Variants in ANKRD33B observed in about 807,000 individuals in gnomAD.
The protein encoded by ANKRD33B is ankyrin repeat domain 33B, also known as ankyrin repeat domain-containing protein 33B.
ANKRD33B carries 6 observed loss-of-function variants against 21.5 expected under a neutral mutation model. The ratio of observed to expected loss-of-function variants is 0.28; its 90% CI spans 0.15 to 0.55. The LOEUF (loss-of-function observed/expected upper bound fraction) is 0.55. Ranked by LOEUF, ANKRD33B falls within the 20% of genes least tolerant of loss-of-function variation. The pLI is 0.94. For missense variants in ANKRD33B, 698 were observed against 747.2 expected, an observed-to-expected ratio of 0.93 and a Z score of 0.77; for synonymous variants, 347 against 342.4, an observed-to-expected ratio of 1.01 and a Z score of -0.15.
At chr5:10,581,429 C>T (rs991614942) in intron 1 of ANKRD33B, among the ~76,000 whole-genome samples, 3 of 152,222 alleles carry the variant, frequency 2.0e-5, no homozygotes, top group Non-Finnish European at 2.9e-5. Flanking sequence ...AACTGCTCTG[C>T]GTCTGGGATC....
At chr5:10,591,158 A>G (rs1735676817) in intron 1 of ANKRD33B, among the ~76,000 whole-genome samples, 1 of 150,466 alleles carries the variant, frequency 6.6e-6, no homozygotes, top group Admixed American at 6.6e-5. Flanking sequence ...TTTCTAAGCC[A>G]GGTTTATAGA....
At chr5:10,609,917 A>G (rs1736128265) in intron 1 of ANKRD33B, among the ~76,000 whole-genome samples, 1 of 152,166 alleles carries the variant, frequency 6.6e-6, no homozygotes, top group South Asian at 2.1e-4. Flanking sequence ...TAAAAAAAAC[A>G]AAACACACAA....
At chr5:10,591,880 T>C (rs1403126165) in intron 1 of ANKRD33B, among the ~76,000 whole-genome samples, 6 of 152,208 alleles carry the variant, frequency 3.9e-5, no homozygotes, top group Non-Finnish European at 5.9e-5. Flanking sequence ...ATTTTACTTA[T>C]AATTTTGATA....
At chr5:10,601,729 C>G (rs1184769135) in intron 1 of ANKRD33B, among the ~76,000 whole-genome samples, 1 of 152,266 alleles carries the variant, frequency 6.6e-6, no homozygotes, top group East Asian at 1.9e-4. Context: ...GGGGCATGCT[C>G]TCCGTGGATG....
intron 1 of ANKRD33B, among the ~76,000 whole-genome samples, chr5:10,589,886 C>T (rs1234083876): frequency 6.6e-6 from 1 of 151,730 alleles, no homozygotes; most frequent in Non-Finnish European, 1.5e-5. Context: ...ACCAAATTCA[C>T]ACACATTAGA....
chr5:10,655,757 C>T lies in ANKRD33B; in HGVS notation c.*5644C>T, dbSNP rs933647957. The T allele has an allele frequency of 2.0e-5, 3 of 152,306 alleles. No individual in the cohort carries two copies. Among genetic ancestry groups the T allele is most frequent in the Admixed American group, 6.5e-5 (1 of 15,276 alleles). 9.4% of individuals were successfully genotyped at this position (152,306 alleles called of 1,614,324 possible). On this transcript the variant is annotated 3_prime_UTR_variant, in exon 4 of 4. Coordinates refer to ENST00000296657, the MANE Select transcript of ANKRD33B (RefSeq NM_001164440.2). ...GGGATTTGCCCAGGTCCCTCCACCT[C>T]CCACGGTGGGTAACTGTGTGGATTC... is the stretch of plus-strand genomic sequence containing the variant.
intron 3 of ANKRD33B, among the ~76,000 whole-genome samples, chr5:10,643,945 C>T (rs1197490612): frequency 4.0e-5 from 6 of 150,078 alleles, no homozygotes; most frequent in Non-Finnish European, 2.9e-5. Context: ...TACTACTAAG[C>T]TTACAGTTCT....
chr5:10,618,218 T>C (rs905582151), intron 1 of ANKRD33B, 115 bp from the exon 2 acceptor site: 2 of 1,378,814 alleles, frequency 1.5e-6, no homozygotes, highest in Non-Finnish European at 2.0e-6. Flanking sequence ...TCCAGGTCCC[T>C]GTCATTGCCT....
Position 10,646,455 on chromosome 5 carries a change from A to G in ANKRD33B, c.638-2811A>G, listed in dbSNP as rs1455325781. ...TAATTTATAGCATGACTCTGATTCT[A>G]GGGCTCAGTGGCCTTTGTTCCTTAG... On this transcript the variant is annotated intron_variant, in intron 3 of 3. Transcript: ENST00000296657. Among the ~76,000 whole-genome samples, 4 of 152,194 alleles carry G rather than the reference A, an allele frequency of 2.6e-5. No individual in the cohort carries two copies. In the East Asian group the frequency reaches 7.7e-4, roughly 29 times the overall value.
intron 3 of ANKRD33B, among the ~76,000 whole-genome samples, chr5:10,638,976 GCGGGTGAC>G (rs1292136391): frequency 1.4e-4 from 13 of 91,878 alleles, no homozygotes; most frequent in East Asian, 3.0e-4. Flanking sequence ...GGCGATGTTA[GCGGGTGAC>G]GCGGAGTTGC....
At chr5:10,590,087 G>C (rs971118165) in intron 1 of ANKRD33B, among the ~76,000 whole-genome samples, 1 of 150,486 alleles carries the variant, frequency 6.6e-6, no homozygotes, top group Non-Finnish European at 1.5e-5. Flanking sequence ...TAAAATTTTT[G>C]ATTCTTTATT....
intron 1 of ANKRD33B, among the ~76,000 whole-genome samples, chr5:10,597,641 T>C (rs1471055263): frequency 6.6e-6 from 1 of 151,908 alleles, no homozygotes; most frequent in Non-Finnish European, 1.5e-5. Context: ...AGACAGAAAA[T>C]TAACAAATAT....
chr5:10,610,403 C>A lies in ANKRD33B; in HGVS notation c.367-7930C>A, dbSNP rs1008660428. On this transcript the variant is annotated intron_variant, in intron 1 of 3. Transcript: ENST00000296657. The stretch of plus-strand genomic sequence containing the variant: ...GGGATTGCATAGTACAGGGGACAGC[C>A]CCCCCCCCGAATAAAGAATTATCTG... Among the ~76,000 whole-genome samples the A allele has an allele frequency of 4.9e-5, 7 of 143,140 alleles. No homozygotes were observed. The South Asian group carries it at 1.3e-3, about 27-fold the overall frequency. The allele number at this position is 143,140 out of a possible 152,430, so 93.9% of individuals were successfully genotyped here.
At chr5:10,616,584 C>A (rs1031335100) in intron 1 of ANKRD33B, among the ~76,000 whole-genome samples, 3 of 55,514 alleles carry the variant, frequency 5.4e-5, no homozygotes, top group South Asian at 5.9e-4. Context: ...AAAAAAAAAT[C>A]TGGTGAAGAT....
intron 1 of ANKRD33B, among the ~76,000 whole-genome samples, chr5:10,598,803 A>C (rs1447339849): frequency 1.3e-5 from 2 of 152,156 alleles, no homozygotes; most frequent in African/African-American, 2.4e-5. Context: ...CCGTAATCCC[A>C]ACACTTTGGG....
chr5:10,651,372 G>A lies in ANKRD33B; in HGVS notation c.*1259G>A, dbSNP rs1299375566. ...GCCTTGGGCCACAAGCTCTTGGTGA[G>A]AGTCTTATGTCCACACTTTTATCTC... On this transcript the variant is annotated 3_prime_UTR_variant, in exon 4 of 4. Transcript: ENST00000296657. The A allele has an allele frequency of 2.0e-5, 3 of 152,258 alleles. No homozygotes were observed. The highest frequency in any genetic ancestry group is 3.7e-4 in the East Asian group (2 of 5,344). 9.4% of individuals were successfully genotyped at this position (152,258 alleles called of 1,614,324 possible).
At chr5:10,588,635 G>T (rs1272088311) in intron 1 of ANKRD33B, among the ~76,000 whole-genome samples, 1 of 152,138 alleles carries the variant, frequency 6.6e-6, no homozygotes, top group Non-Finnish European at 1.5e-5. Flanking sequence ...GTAACTTTTG[G>T]CCAGAAGTTT....
At chr5:10,645,201 G>T (rs1307711962) in intron 3 of ANKRD33B, among the ~76,000 whole-genome samples, 1 of 152,230 alleles carries the variant, frequency 6.6e-6, no homozygotes, top group African/African-American at 2.4e-5. Context: ...CAGGCTGGAG[G>T]TGGCACAAGG....
intron 1 of ANKRD33B, among the ~76,000 whole-genome samples, chr5:10,595,377 C>T (rs986884237): frequency 3.3e-5 from 5 of 152,152 alleles, no homozygotes; most frequent in Non-Finnish European, 7.4e-5. Context: ...GGGCCACGCT[C>T]CCTCTGGCAG....
Sources: gnomAD v4.1 joint callset for allele counts (sites outside exome capture counted in the v4.1 genomes callset) on GRCh38, gnomAD v4.1.1 for gene constraint, MANE v1.5 for transcripts, NCBI Gene and HGNC (gene_info 2026-07-23, HGNC 2026-07-21) for gene names.